The following NPAS3 variants were observed in gnomAD, a reference collection of about 807,000 sequenced individuals.
The protein encoded by NPAS3 is neuronal PAS domain-containing protein 3.
NPAS3 carries 14 observed loss-of-function variants against 73.1 expected under a neutral mutation model. The ratio of observed to expected loss-of-function variants is 0.19; its 90% CI spans 0.13 to 0.30. The LOEUF (loss-of-function observed/expected upper bound fraction) is 0.30, where lower values mean the gene tolerates loss of function less well. Among genes scored for constraint, NPAS3 ranks in the 10% least tolerant of loss-of-function variants. NPAS3 has a pLI of 1.00. For missense variants in NPAS3, 1,096 were observed against 1,250.0 expected (o/e 0.88, Z 1.86); for synonymous variants, 620 against 541.5 (o/e 1.14, Z -2.01).
chr14:33,197,237 C>CGGTGTGTGTGTGTG (rs1555353809), intron 2 of NPAS3, among the ~76,000 whole-genome samples: 1 of 135,214 alleles, frequency 7.4e-6, no homozygotes, highest in African/African-American at 2.7e-5. Flanking sequence ...CTCCAGCAGG[C>CGGTGTGTGTGTGTG]TGTGTGTGTG....
intron 5 of NPAS3, among the ~76,000 whole-genome samples, chr14:33,675,009 G>C (rs2059719313): frequency 6.6e-6 from 1 of 152,136 alleles, no homozygotes; most frequent in Non-Finnish European, 1.5e-5. Context: ...AATCTGGAGG[G>C]ATGCTGGAAA....
At chr14:33,447,537 G>C (rs1262106515) in intron 4 of NPAS3, among the ~76,000 whole-genome samples, 1 of 152,144 alleles carries the variant, frequency 6.6e-6, no homozygotes, top group Non-Finnish European at 1.5e-5. Flanking sequence ...ACATGAAAGA[G>C]GATTTCGATA....
At chr14:32,971,436 T>A (rs2037420978) in intron 1 of NPAS3, among the ~76,000 whole-genome samples, 1 of 152,164 alleles carries the variant, frequency 6.6e-6, no homozygotes, top group South Asian at 2.1e-4. Context: ...AAAATAAAGA[T>A]AGTTTTTAAG....
At chr14:33,471,327 A>G (rs2050772124) in intron 4 of NPAS3, among the ~76,000 whole-genome samples, 1 of 152,204 alleles carries the variant, frequency 6.6e-6, no homozygotes, top group East Asian at 1.9e-4. Context: ...TGCCAACCAT[A>G]TGATTTTCAG....
chr14:32,941,594 G>A (rs2036018497), intron 1 of NPAS3, among the ~76,000 whole-genome samples: 2 of 151,844 alleles, frequency 1.3e-5, no homozygotes, highest in Admixed American at 6.6e-5. Flanking sequence ...CTTGAGAGCT[G>A]AACTAAATAA....
intron 2 of NPAS3, among the ~76,000 whole-genome samples, chr14:33,161,682 G>A (rs1056624779): frequency 1.3e-5 from 2 of 152,226 alleles, no homozygotes; most frequent in African/African-American, 4.8e-5. Context: ...GAGATCAATA[G>A]TTGTTGTCTT....
chr14:33,052,598 C>T (rs1041327204), intron 1 of NPAS3, among the ~76,000 whole-genome samples: 2 of 152,184 alleles, frequency 1.3e-5, no homozygotes, highest in African/African-American at 4.8e-5. Flanking sequence ...GGGTTTGTCC[C>T]TCACTACCAG....
Position 33,800,505 on chromosome 14 carries a change from C to T in NPAS3, c.2198C>T (p.Ala733Val), listed in dbSNP as rs985519153. Residue 733 changes from alanine (A) to valine (V), a missense_variant, in exon 12 of 12, where the codon GCC becomes GTC. Physicochemically the swap from Ala to Val is moderately conservative, Grantham distance 64. Transcript: ENST00000356141. The surrounding 1 kb of genome is among the most constrained non-coding windows in gnomAD (Gnocchi z 6.5). Reference sequence around the variant, plus strand: ...GCCGCCCGCAAGACTCAGTTCGGCGCCTCGGCCACCGCGGCCCTGGCCCCC... The same window carrying T: ...GCCGCCCGCAAGACTCAGTTCGGCGTCTCGGCCACCGCGGCCCTGGCCCCC... The T allele has an allele frequency of 2.1e-6, 3 of 1,434,060 alleles. No homozygotes were observed. Among genetic ancestry groups the T allele is most frequent in the African/African-American group, 1.5e-5 (1 of 65,922 alleles). The allele number at this position is 1,434,060 out of a possible 1,614,324, so 88.8% of individuals were successfully genotyped here.
chr14:33,157,857 T>C (rs571187232), intron 2 of NPAS3, among the ~76,000 whole-genome samples: 7 of 152,146 alleles, frequency 4.6e-5, no homozygotes, highest in Non-Finnish European at 8.8e-5. Flanking sequence ...ATCTGTGAGA[T>C]GGGGATGTCA....
At chr14:33,676,468 C>T (rs570509686) in intron 6 of NPAS3, 83 bp downstream of exon 6, 2 of 1,185,986 alleles carry the variant, frequency 1.7e-6, no homozygotes, top group East Asian at 5.3e-5. Flanking sequence ...TGTGAAGAGA[C>T]TATAAATAGG....
intron 2 of NPAS3, among the ~76,000 whole-genome samples, chr14:33,185,951 G>T (rs530912144): frequency 3.3e-5 from 5 of 152,232 alleles, no homozygotes; most frequent in East Asian, 1.9e-4. Context: ...ACTTTCTTCT[G>T]TTTATCATAT....
chr14:33,170,149 G>A (rs1317993342), intron 2 of NPAS3, among the ~76,000 whole-genome samples: 1 of 152,196 alleles, frequency 6.6e-6, no homozygotes, highest in Non-Finnish European at 1.5e-5. Flanking sequence ...TAGAGATAAT[G>A]CAGGTTCAGT....
chr14:33,000,537 C>G (rs1320757538), intron 1 of NPAS3, among the ~76,000 whole-genome samples: 1 of 152,126 alleles, frequency 6.6e-6, no homozygotes, highest in Non-Finnish European at 1.5e-5. Context: ...GAAGTTTGAA[C>G]TTCAATTAGT....
intron 4 of NPAS3, among the ~76,000 whole-genome samples, chr14:33,503,917 AT>A (rs1203601547): frequency 1.3e-5 from 2 of 152,016 alleles, no homozygotes; most frequent in Non-Finnish European, 2.9e-5. Flanking sequence ...CTAAAAGCTA[AT>A]TGGTAGAAAG....
chr14:33,165,839 T>C (rs2045117420), intron 2 of NPAS3, among the ~76,000 whole-genome samples: 1 of 152,180 alleles, frequency 6.6e-6, no homozygotes, highest in African/African-American at 2.4e-5. Flanking sequence ...CCTAGGCTTA[T>C]AGGAATCCAT....
At chr14:33,761,397 T>TAG (rs1484603653) in intron 7 of NPAS3, among the ~76,000 whole-genome samples, 1 of 152,146 alleles carries the variant, frequency 6.6e-6, no homozygotes, top group East Asian at 1.9e-4. Context: ...ATTACTTCAT[T>TAG]AGAACCCTGT....
At chr14:33,156,434 A>G (rs1485580371) in intron 2 of NPAS3, among the ~76,000 whole-genome samples, 6 of 152,208 alleles carry the variant, frequency 3.9e-5, no homozygotes, top group Non-Finnish European at 5.9e-5. Context: ...ACAAAATGTA[A>G]GTAACATATT....
At chr14:33,746,440 G>A (rs2061799881) in intron 7 of NPAS3, among the ~76,000 whole-genome samples, 1 of 151,158 alleles carries the variant, frequency 6.6e-6, no homozygotes, top group Admixed American at 6.6e-5. Context: ...GCCCACCTCG[G>A]CCTCCCAAAG....
chr14:33,547,565 G>A (rs1475067), intron 4 of NPAS3, among the ~76,000 whole-genome samples: 51,270 of 151,984 alleles, frequency 0.34, 9,954 homozygotes, highest in East Asian at 0.53. Context: ...TACGGTCCAC[G>A]CTCTCCCTGC....
Sources: gnomAD v4.1 joint callset for allele counts (sites outside exome capture counted in the v4.1 genomes callset) on GRCh38, gnomAD v4.1.1 for gene constraint, Gnocchi (gnomAD v3.1) non-coding constraint, MANE v1.5 for transcripts, NCBI Gene and HGNC (gene_info 2026-07-23, HGNC 2026-07-21) for gene names.